Variants in TNFAIP8 observed in about 807,000 individuals in gnomAD.
TNFAIP8 encodes the protein tumor necrosis factor alpha-induced protein 8.
TNFAIP8 carries 7 observed loss-of-function variants against 13.3 expected under a neutral mutation model. That is an observed-to-expected ratio of 0.52 (90% CI 0.30 to 0.99). The LOEUF is 0.99. Ranked by LOEUF, TNFAIP8 falls within the 50% of genes least tolerant of loss-of-function variation. The pLI is 0.07. For synonymous variants in TNFAIP8, 94 were observed against 87.6 expected (o/e 1.07, Z -0.41); for missense variants, 258 against 236.9 (o/e 1.09, Z -0.58).
intron 1 of TNFAIP8, among the ~76,000 whole-genome samples, chr5:119,367,879 T>C (rs1391173599): frequency 1.3e-5 from 2 of 152,238 alleles, no homozygotes; most frequent in Non-Finnish European, 2.9e-5. Flanking sequence ...TATTCTATTA[T>C]ATAGATTGAA....
chr5:119,393,047 A>C lies in TNFAIP8; in HGVS notation c.263A>C (p.Asn88Thr). 6.2e-7 allele frequency: 1 copy of C among 1,613,768 alleles called. No homozygotes were observed. Among genetic ancestry groups the C allele is most frequent in the Non-Finnish European group, 8.5e-7 (1 of 1,179,772 alleles). ...ATCAAGCTGGCCATTCTTTATAGGA[A>C]TAATCAGTTTAATCAAGATGAGCTA... is the stretch of plus-strand genomic sequence containing the variant. The part of the protein sequence containing the change: ...TVIKLAILYR[N>T]NQFNQDELAL... The change falls in exon 2 of 2, where the codon AAT (asparagine) becomes ACT (threonine). Residue 88 changes from asparagine to threonine, a missense_variant. Asn to Thr is a moderately conservative substitution (Grantham distance 65). Transcript: ENST00000504771.
intron 1 of TNFAIP8, among the ~76,000 whole-genome samples, chr5:119,291,953 G>T (rs1354631535): frequency 1.3e-5 from 2 of 152,190 alleles, no homozygotes; most frequent in African/African-American, 4.8e-5. Context: ...CCTAAAGATA[G>T]AAAGCAGATG....
chr5:119,398,777 T>G lies in TNFAIP8; in HGVS notation c.*5396T>G, dbSNP rs1753130255. ...AAACACAAGACGCGGAAATAAAAAC[T>G]CAGAGTATAAATATCTATATTGTTA... On this transcript the variant is annotated 3_prime_UTR_variant, in exon 2 of 2. Coordinates refer to ENST00000504771, the MANE Select transcript of TNFAIP8 (RefSeq NM_014350.4). The G allele has an allele frequency of 6.6e-6, 1 of 152,066 alleles. No individual in the cohort carries two copies. Among genetic ancestry groups the G allele is most frequent in the Non-Finnish European group, 1.5e-5 (1 of 67,998 alleles). 9.4% of individuals were successfully genotyped at this position (152,066 alleles called of 1,614,324 possible). A position where few individuals can be genotyped will look rare whatever the true frequency, so the allele number is the denominator to read the frequency against.
chr5:119,272,833 AG>A (rs1209669196), intron 1 of TNFAIP8, among the ~76,000 whole-genome samples: 1 of 152,158 alleles, frequency 6.6e-6, no homozygotes, highest in Non-Finnish European at 1.5e-5. Context: ...GTATAGGACA[AG>A]GGGGATTAAA....
At chr5:119,323,715 T>C (rs960158780) in intron 1 of TNFAIP8, among the ~76,000 whole-genome samples, 5 of 152,192 alleles carry the variant, frequency 3.3e-5, no homozygotes, top group African/African-American at 1.2e-4. Context: ...GGCTGAGTGC[T>C]GAGCTTAGGA....
At chr5:119,367,908 G>C (rs1053569994) in intron 1 of TNFAIP8, among the ~76,000 whole-genome samples, 1 of 152,054 alleles carries the variant, frequency 6.6e-6, no homozygotes, top group Non-Finnish European at 1.5e-5. Flanking sequence ...CATGATGCTG[G>C]TGTTTTGTTC....
intron 1 of TNFAIP8, among the ~76,000 whole-genome samples, chr5:119,312,735 G>A (rs1749769954): frequency 1.2e-5 from 1 of 80,260 alleles, no homozygotes; most frequent in Non-Finnish European, 2.3e-5. Context: ...CCCTGTCCCT[G>A]CAAAAAATAC....
chr5:119,372,220 C>T (rs1293286863), intron 1 of TNFAIP8, among the ~76,000 whole-genome samples: 3 of 149,884 alleles, frequency 2.0e-5, no homozygotes, highest in East Asian at 2.0e-4. Flanking sequence ...ACTAGCTACT[C>T]AGAAGGCTGA....
upstream of TNFAIP8, chr5:119,354,336 G>T (rs1017716130): frequency 2.0e-5 from 3 of 152,104 alleles, no homozygotes; most frequent in African/African-American, 7.2e-5. Context: ...CCCTTCTCTG[G>T]CTGGCTATAT....
At chr5:119,314,174 C>G (rs146515165) in intron 1 of TNFAIP8, among the ~76,000 whole-genome samples, 1 of 2,950 alleles carries the variant, frequency 3.4e-4, no homozygotes, top group Middle Eastern at 0.5. Flanking sequence ...TCTCTAAAAA[C>G]AAACAAACAA....
chr5:119,298,341 G>T (rs1167038724), intron 1 of TNFAIP8, among the ~76,000 whole-genome samples: 3 of 151,222 alleles, frequency 2.0e-5, no homozygotes, highest in African/African-American at 4.9e-5. Context: ...GTCTGTAAAG[G>T]ATTTTATTTC....
At chr5:119,273,151 T>A (rs543027314) in intron 1 of TNFAIP8, among the ~76,000 whole-genome samples, 6 of 152,232 alleles carry the variant, frequency 3.9e-5, no homozygotes, top group Non-Finnish European at 8.8e-5. Context: ...TCTACTTAGC[T>A]CTCTGAGCCT....
intron 1 of TNFAIP8, among the ~76,000 whole-genome samples, chr5:119,341,327 T>C (rs1750730458): frequency 6.6e-6 from 1 of 152,214 alleles, no homozygotes; most frequent in African/African-American, 2.4e-5. Flanking sequence ...AATAGTGCTC[T>C]ATGTGAACAA....
intron 1 of TNFAIP8, among the ~76,000 whole-genome samples, chr5:119,369,401 C>T (rs531992649): frequency 6.6e-6 from 1 of 152,294 alleles, no homozygotes; most frequent in East Asian, 1.9e-4. Context: ...ACTGTAATTT[C>T]TTTAGCTTTG....
At chr5:119,311,071 G>A (rs1480279492) in intron 1 of TNFAIP8, among the ~76,000 whole-genome samples, 4 of 152,078 alleles carry the variant, frequency 2.6e-5, no homozygotes, top group Non-Finnish European at 5.9e-5. Context: ...TGCCTAGGCT[G>A]GAGTGCAATG....
chr5:119,284,852 A>G (rs1748729282), intron 1 of TNFAIP8, among the ~76,000 whole-genome samples: 1 of 152,184 alleles, frequency 6.6e-6, no homozygotes, highest in Non-Finnish European at 1.5e-5. Context: ...ATACCTCAAT[A>G]AGGGACAAGA....
intron 1 of TNFAIP8, among the ~76,000 whole-genome samples, chr5:119,365,418 T>C (rs1044479847): frequency 4.6e-5 from 7 of 152,228 alleles, no homozygotes; most frequent in Non-Finnish European, 8.8e-5. Context: ...AGTGGAAATA[T>C]GCTAGATGGC....
intron 1 of TNFAIP8, among the ~76,000 whole-genome samples, chr5:119,365,722 T>C (rs917190002): frequency 6.6e-6 from 1 of 152,162 alleles, no homozygotes. Context: ...TTTTCACCTT[T>C]CAAGGATTAA....
chr5:119,390,237 A>G (rs1752842262), intron 1 of TNFAIP8, among the ~76,000 whole-genome samples: 2 of 152,230 alleles, frequency 1.3e-5, no homozygotes, highest in Admixed American at 1.3e-4. Flanking sequence ...CTTTATATGT[A>G]ATATATTACT....
Sources: allele counts gnomAD v4.1 joint callset (sites outside exome capture counted in the v4.1 genomes callset), GRCh38; gene constraint gnomAD v4.1.1; transcripts MANE v1.5; gene names NCBI Gene and HGNC (gene_info 2026-07-23, HGNC 2026-07-21).